Variants in PMM2 observed in about 807,000 individuals in gnomAD.
PMM2 encodes the protein mannose-6-phosphate isomerase.
In PMM2, 35 loss-of-function variants were observed where a neutral mutation model predicts 33.2. That is an observed-to-expected ratio of 1.06 (90% CI 0.81 to 1.40). PMM2 has a LOEUF of 1.40. Among genes scored for constraint, PMM2 ranks in the 40% most tolerant of loss-of-function variants. PMM2 has a pLI of 0.00. For missense variants in PMM2, 386 were observed against 306.0 expected (o/e 1.26, Z -1.95); for synonymous variants, 153 against 114.7 (o/e 1.33, Z -2.13).
At chr16:8,806,470 A>T in intron 4 of PMM2, 63 bp downstream of exon 4, 1 of 965,574 alleles carries the variant, frequency 1.0e-6, no homozygotes, top group South Asian at 1.3e-5. Flanking sequence ...TGGTGGGCTA[A>T]TGTGGGCATT....
At chr16:8,842,831 G>A (rs1035825154) in intron 7 of PMM2, among the ~76,000 whole-genome samples, 5 of 152,138 alleles carry the variant, frequency 3.3e-5, no homozygotes, top group Non-Finnish European at 7.3e-5. Context: ...CTGTGGGATG[G>A]GATATTGGCG....
At chr16:8,835,584 G>C (rs969150480) in intron 7 of PMM2, among the ~76,000 whole-genome samples, 1 of 151,704 alleles carries the variant, frequency 6.6e-6, no homozygotes, top group South Asian at 2.1e-4. Context: ...TTGGCACCAC[G>C]GGGTGGATAG....
intron 7 of PMM2, among the ~76,000 whole-genome samples, chr16:8,820,510 C>G (rs531781905): frequency 6.6e-6 from 1 of 152,066 alleles, no homozygotes; most frequent in Admixed American, 6.6e-5. Flanking sequence ...CCCACCACCA[C>G]GCCTGGCTAA....
intron 5 of PMM2, 149 bp from the exon 6 acceptor site, chr16:8,811,489 C>T (rs2060677420): frequency 1.5e-6 from 1 of 683,096 alleles, no homozygotes; most frequent in Middle Eastern, 3.9e-4. Flanking sequence ...CACTGCGCTC[C>T]AGCCTGGGCA....
chr16:8,840,114 A>G (rs540250953), intron 7 of PMM2, among the ~76,000 whole-genome samples: 30 of 151,992 alleles, frequency 2.0e-4, no homozygotes, highest in Non-Finnish European at 3.7e-4. Context: ...ATGCAAAGCC[A>G]GCAGTTGTTC....
chr16:8,822,216 T>C (rs1271624316), intron 7 of PMM2, among the ~76,000 whole-genome samples: 1 of 152,206 alleles, frequency 6.6e-6, no homozygotes, highest in Non-Finnish European at 1.5e-5. Flanking sequence ...TTTCTTGCTA[T>C]CTTCTGTTCC....
Position 8,848,192 on chromosome 16 carries a change from T to G in PMM2, c.*367T>G, listed in dbSNP as rs918344702. 63 of 266,922 alleles carry G rather than the reference T, an allele frequency of 2.4e-4. No homozygotes were observed. The highest frequency in any genetic ancestry group is 1.4e-3 in the African/African-American group (62 of 45,206). 16.5% of individuals were successfully genotyped at this position (266,922 alleles called of 1,614,324 possible). A position where few individuals can be genotyped will look rare whatever the true frequency, so the allele number is the denominator to read the frequency against. ...TGCCTGGACCCTCCCTCTTGGTGGGTCTGTGGAAACATAAGCGGTTTTTTT... is the reference window on the plus strand; with the variant it reads ...TGCCTGGACCCTCCCTCTTGGTGGGGCTGTGGAAACATAAGCGGTTTTTTT... On this transcript the variant is annotated 3_prime_UTR_variant, in exon 8 of 8. Coordinates refer to ENST00000268261, the MANE Select transcript of PMM2 (RefSeq NM_000303.3).
chr16:8,849,084 C>G lies in PMM2; in HGVS notation c.*1259C>G, dbSNP rs78698557. 0.045 allele frequency: 6,890 copies of G among 152,336 alleles called. 234 individuals are homozygous for G. Among genetic ancestry groups the G allele is most frequent in the Middle Eastern group, 0.13 (39 of 296 alleles). 9.4% of individuals were successfully genotyped at this position (152,336 alleles called of 1,614,324 possible). A position where few individuals can be genotyped will look rare whatever the true frequency, so the allele number is the denominator to read the frequency against. ...CTGGGGCCAGGGGAGCCCAGGCTGC[C>G]CTGCACTCCTGCCTCCCAGCCCACA... On this transcript the variant is annotated 3_prime_UTR_variant, in exon 8 of 8. Coordinates refer to ENST00000268261, the MANE Select transcript of PMM2 (RefSeq NM_000303.3).
At chr16:8,841,457 G>A (rs1596505534) in intron 7 of PMM2, among the ~76,000 whole-genome samples, 1 of 140,680 alleles carries the variant, frequency 7.1e-6, no homozygotes, top group South Asian at 2.4e-4. Flanking sequence ...CCTGGGTGGG[G>A]GCAAATCTTC....
chr16:8,820,929 C>T (rs951618546), intron 7 of PMM2, among the ~76,000 whole-genome samples: 1 of 152,164 alleles, frequency 6.6e-6, no homozygotes, highest in Non-Finnish European at 1.5e-5. Flanking sequence ...TTCATTAGAG[C>T]GTGAATTAGT....
chr16:8,820,847 T>C (rs147423553), intron 7 of PMM2, among the ~76,000 whole-genome samples: 9 of 152,302 alleles, frequency 5.9e-5, no homozygotes, highest in African/African-American at 1.9e-4. Context: ...TCCTAAGAGA[T>C]TGGAGCCTGC....
chr16:8,810,807 T>TAA (rs1345246550), intron 4 of PMM2: 2 of 480,754 alleles, frequency 4.2e-6, no homozygotes, highest in Non-Finnish European at 7.6e-6. Context: ...ATGAGCATTT[T>TAA]AACACAAAGT....
At chr16:8,832,332 T>A (rs987964490) in intron 7 of PMM2, 1 of 985,336 alleles carries the variant, frequency 1.0e-6, no homozygotes, top group Non-Finnish European at 1.2e-6. Flanking sequence ...GAGAGGCTCC[T>A]GCAGCCAGGG....
chr16:8,844,067 C>T (rs377496817), intron 7 of PMM2, among the ~76,000 whole-genome samples: 45 of 152,176 alleles, frequency 3.0e-4, no homozygotes, highest in South Asian at 2.3e-3. Flanking sequence ...GCCCATTTTA[C>T]GACAAGAATT....
rs3743809 is a variant in PMM2, at chr16:8,812,716, C to T, written c.524-275C>T. 0.42 allele frequency among the ~76,000 whole-genome samples: 63,370 copies of T among 152,086 alleles called. 13,386 individuals carry two copies. Among genetic ancestry groups the T allele is most frequent in the Non-Finnish European group, 0.46 (31,520 of 67,976 alleles). On this transcript the variant is annotated intron_variant, in intron 6 of 7. Coordinates refer to ENST00000268261, the MANE Select transcript of PMM2 (RefSeq NM_000303.3). Reference sequence around the variant, plus strand: ...ATAAGCATGCTTCCTTTAAACCACACGCTTGACAGGGCGCTTAAACGCAAA... The same window carrying T: ...ATAAGCATGCTTCCTTTAAACCACATGCTTGACAGGGCGCTTAAACGCAAA...
chr16:8,806,793 T>C, intron 4 of PMM2: 1 of 268,776 alleles, frequency 3.7e-6, no homozygotes, highest in South Asian at 4.4e-5. Context: ...GAAGACCATA[T>C]GCTTTCAAAG....
At chr16:8,827,119 C>G (rs2060773128) in intron 7 of PMM2, among the ~76,000 whole-genome samples, 1 of 152,070 alleles carries the variant, frequency 6.6e-6, no homozygotes. Flanking sequence ...TGAGAGGGGT[C>G]TGTCTGCTTA....
chr16:8,813,817 C>G (rs1488406921), intron 7 of PMM2, among the ~76,000 whole-genome samples: 2 of 149,768 alleles, frequency 1.3e-5, no homozygotes, highest in African/African-American at 4.9e-5. Context: ...CAAGAGGAGG[C>G]TCATCACCAC....
chr16:8,827,805 TA>T (rs1348611575), intron 7 of PMM2, among the ~76,000 whole-genome samples: 1 of 56,592 alleles, frequency 1.8e-5, no homozygotes, highest in African/African-American at 7.6e-5. Flanking sequence ...TATACATATT[TA>T]TATATTTATA....
Sources: allele counts gnomAD v4.1 joint callset (sites outside exome capture counted in the v4.1 genomes callset), GRCh38; gene constraint gnomAD v4.1.1; transcripts MANE v1.5; gene names NCBI Gene and HGNC (gene_info 2026-07-23, HGNC 2026-07-21).